The following ABRAXAS2 variants were observed in gnomAD, a reference collection of about 807,000 sequenced individuals.
ABRAXAS2 encodes the protein BRISC complex subunit Abraxas 2.
A neutral mutation model predicts 49.0 loss-of-function variants in ABRAXAS2; 23 were observed. The observed-to-expected ratio is 0.47, with a 90% CI of 0.34 to 0.66. ABRAXAS2 has a LOEUF of 0.66. ABRAXAS2 is among the 30% of genes least tolerant of loss of function. The pLI is 0.01. For missense variants in ABRAXAS2, 443 were observed against 511.9 expected (o/e 0.87, Z 1.30); for synonymous variants, 168 against 180.2 (o/e 0.93, Z 0.54).
chr10:124,816,328 T>A (rs1015225614), intron 2 of ABRAXAS2, among the ~76,000 whole-genome samples: 2 of 152,218 alleles, frequency 1.3e-5, no homozygotes, highest in African/African-American at 4.8e-5. Flanking sequence ...AAATAATATC[T>A]TTCAGAAATG....
chr10:124,806,042 T>A (rs1419440871), intron 1 of ABRAXAS2, among the ~76,000 whole-genome samples: 2 of 152,162 alleles, frequency 1.3e-5, no homozygotes, highest in African/African-American at 4.8e-5. Context: ...GGCTCACGCC[T>A]GTAATCCCAG....
rs1180254815 is a variant in ABRAXAS2 at position 124,807,562 on chromosome 10, A to G, written c.163+641A>G. 2.0e-5 allele frequency among the ~76,000 whole-genome samples: 3 copies of G among 152,194 alleles called. No homozygotes were observed. In the East Asian group the frequency reaches 5.8e-4, roughly 29 times the overall value. ...CAGCTACTCAGGATGCTGAGGCAGG[A>G]GAATCGCCTGAACCCGGGAGGCGGA... On this transcript the variant is annotated intron_variant, in intron 2 of 8. Coordinates refer to ENST00000298492, the MANE Select transcript of ABRAXAS2 (RefSeq NM_032182.4).
chr10:124,815,473 C>T (rs531251625), intron 2 of ABRAXAS2, among the ~76,000 whole-genome samples: 8 of 152,148 alleles, frequency 5.3e-5, no homozygotes, highest in East Asian at 1.9e-4. Context: ...GGACTACAGG[C>T]GTGAGCCACT....
intron 2 of ABRAXAS2, among the ~76,000 whole-genome samples, chr10:124,809,847 G>T (rs539688437): frequency 5.9e-5 from 9 of 151,544 alleles, no homozygotes; most frequent in Admixed American, 1.3e-4. Flanking sequence ...CCACCTCCCG[G>T]GTTCAAGCGA....
At position 124,835,048 on chromosome 10, in the gene ABRAXAS2, G is replaced by T; in HGVS notation, c.*77G>T. The T allele has an allele frequency of 8.8e-7, 1 of 1,131,960 alleles. No homozygotes were observed. The highest frequency in any genetic ancestry group is 1.3e-6 in the Non-Finnish European group (1 of 798,702). 70.1% of individuals were successfully genotyped at this position (1,131,960 alleles called of 1,614,324 possible). A position where few individuals can be genotyped will look rare whatever the true frequency, so the allele number is the denominator to read the frequency against. ...AGAGGGTTTTTGAGAACTTAATCTGGGGGGAGAACTGCTTTCTCAGATACC... is the reference window on the plus strand; with the variant it reads ...AGAGGGTTTTTGAGAACTTAATCTGTGGGGAGAACTGCTTTCTCAGATACC... On this transcript the variant is annotated 3_prime_UTR_variant, in exon 9 of 9. Transcript: ENST00000298492.
chr10:124,826,570 G>A, intron 4 of ABRAXAS2, 25 bp from the exon 5 acceptor site: 1 of 1,597,624 alleles, frequency 6.3e-7, no homozygotes, highest in Non-Finnish European at 8.6e-7. Context: ...AAGATTTCAT[G>A]CAACTTTTCA....
chr10:124,809,004 G>GCA (rs1950766289), intron 2 of ABRAXAS2, among the ~76,000 whole-genome samples: 1 of 152,042 alleles, frequency 6.6e-6, no homozygotes, highest in South Asian at 2.1e-4. Flanking sequence ...GGTGGCACAT[G>GCA]CCTGTAATCC....
rs1235677314 is a variant in ABRAXAS2 at position 124,801,898 on chromosome 10, C to T, written c.69C>T (p.Asp23=). 2 of 1,612,514 alleles carry T rather than the reference C, an allele frequency of 1.2e-6. No individual in the cohort carries two copies. Among genetic ancestry groups the T allele is most frequent in the South Asian group, 1.1e-5 (1 of 91,026 alleles). Residue 23 remains aspartate, a synonymous_variant, in exon 1 of 9, where the codon GAC becomes GAT. Transcript: ENST00000298492. ...VCFHSANSNA[D]HEGFLLGEVR... is the part of the protein sequence containing the mutation. ...TCCACAGCGCCAACAGCAACGCGGA[C>T]CACGTAGGTGCCGGGCCCCCTGCCG...
intron 2 of ABRAXAS2, among the ~76,000 whole-genome samples, chr10:124,811,375 C>G (rs543250504): frequency 6.6e-6 from 1 of 152,204 alleles, no homozygotes; most frequent in African/African-American, 2.4e-5. Context: ...AGAAAGACCT[C>G]TCTTACCTGG....
intron 4 of ABRAXAS2, among the ~76,000 whole-genome samples, chr10:124,823,896 A>G (rs1037395393): frequency 6.6e-6 from 1 of 152,202 alleles, no homozygotes; most frequent in Non-Finnish European, 1.5e-5. Flanking sequence ...ATTGATGAGA[A>G]TGACAGGAGA....
chr10:124,829,887 G>A (rs1042524391), intron 7 of ABRAXAS2, among the ~76,000 whole-genome samples: 3 of 152,166 alleles, frequency 2.0e-5, no homozygotes, highest in African/African-American at 4.8e-5. Context: ...TGCCTCCATC[G>A]AGTGGGAGGA....
chr10:124,832,913 C>A (rs1031049244), intron 8 of ABRAXAS2, among the ~76,000 whole-genome samples: 12 of 151,178 alleles, frequency 7.9e-5, no homozygotes, highest in African/African-American at 2.9e-4. Context: ...TTTGGGAGAC[C>A]AAAGCGGGTG....
intron 4 of ABRAXAS2, among the ~76,000 whole-genome samples, chr10:124,822,328 C>A (rs1426356643): frequency 6.6e-6 from 1 of 152,004 alleles, no homozygotes; most frequent in African/African-American, 2.4e-5. Context: ...ACAACAAAAG[C>A]CTGAGTGGGT....
chr10:124,830,736 C>G (rs1950927771), intron 7 of ABRAXAS2, among the ~76,000 whole-genome samples: 1 of 152,156 alleles, frequency 6.6e-6, no homozygotes, highest in Non-Finnish European at 1.5e-5. Context: ...ATGACCATGC[C>G]CTTTTCAGAA....
At position 124,834,989 on chromosome 10, in the gene ABRAXAS2, T is replaced by A. The variant is rs1950960940; in HGVS notation, c.*18T>A. ...AGATTTAACTAAACAAAAGAAACTC[T>A]CCACCTAGCACTGTTTTTCTTCATT... On this transcript the variant is annotated 3_prime_UTR_variant, in exon 9 of 9. Transcript: ENST00000298492. The A allele has an allele frequency of 6.4e-7, 1 of 1,552,136 alleles. No homozygotes were observed. The highest frequency in any genetic ancestry group is 8.7e-7 in the Non-Finnish European group (1 of 1,146,296).
intron 7 of ABRAXAS2, among the ~76,000 whole-genome samples, chr10:124,829,886 C>T (rs936452208): frequency 1.3e-5 from 2 of 152,178 alleles, no homozygotes; most frequent in Non-Finnish European, 2.9e-5. Context: ...CTGCCTCCAT[C>T]GAGTGGGAGG....
chr10:124,817,022 T>C (rs1950828702), intron 3 of ABRAXAS2, among the ~76,000 whole-genome samples: 1 of 152,228 alleles, frequency 6.6e-6, no homozygotes, highest in Non-Finnish European at 1.5e-5. Context: ...TTGGGCAATA[T>C]GTGGCAAGAC....
chr10:124,823,866 A>C (rs1950878137), intron 4 of ABRAXAS2, among the ~76,000 whole-genome samples: 1 of 152,216 alleles, frequency 6.6e-6, no homozygotes, highest in Admixed American at 6.5e-5. Flanking sequence ...AATACACATT[A>C]ATTTGGCATC....
chr10:124,815,888 G>A (rs1950821537), intron 2 of ABRAXAS2, among the ~76,000 whole-genome samples: 1 of 135,646 alleles, frequency 7.4e-6, no homozygotes, highest in African/African-American at 2.8e-5. Context: ...AGCTGTCCTC[G>A]CAGCTTTTTT....
Sources: allele counts gnomAD v4.1 joint callset (sites outside exome capture counted in the v4.1 genomes callset), GRCh38; gene constraint gnomAD v4.1.1; transcripts MANE v1.5; gene names NCBI Gene and HGNC (gene_info 2026-07-23, HGNC 2026-07-21).